Variants in OR6B3 observed in about 807,000 individuals in gnomAD.
OR6B3 encodes the protein olfactory receptor family 6 subfamily B member 3, also known as olfactory receptor 6B3.
For missense variants in OR6B3, 315 were observed against 427.4 expected (o/e 0.74, Z 2.32); for synonymous variants, 148 against 187.8 (o/e 0.79, Z 1.73).
At chr2:240,047,334 A>G (rs1698205462), upstream of OR6B3, among the ~76,000 whole-genome samples, 1 of 152,212 alleles carries the variant, frequency 6.6e-6, no homozygotes, top group African/African-American at 2.4e-5. Context: ...TCACATCCCT[A>G]TTATGAACAC....
the OR6B3 span, among the ~76,000 whole-genome samples, chr2:240,052,352 A>G: frequency 6.6e-6 from 1 of 152,184 alleles, no homozygotes; most frequent in Non-Finnish European, 1.5e-5. This position sits in a 1 kb window ranked among gnomAD's most constrained non-coding sequence, Gnocchi z 4.5. Context: ...AGAAAAGAGA[A>G]GCAGGTTAAT....
upstream of OR6B3, among the ~76,000 whole-genome samples, chr2:240,047,900 G>A (rs1243393681): frequency 2.6e-5 from 4 of 152,070 alleles, no homozygotes; most frequent in African/African-American, 7.2e-5. Flanking sequence ...GATCAGAAAC[G>A]ACAGAATAAT....
At chr2:240,047,922 T>C (rs1002900758), upstream of OR6B3, among the ~76,000 whole-genome samples, 1 of 152,058 alleles carries the variant, frequency 6.6e-6, no homozygotes, top group African/African-American at 2.4e-5. Context: ...TCAACAGCAG[T>C]TTGCTTCCCC....
At chr2:240,051,612 TA>T (rs1698257001), upstream of OR6B3, among the ~76,000 whole-genome samples, 1 of 152,234 alleles carries the variant, frequency 6.6e-6, no homozygotes, top group South Asian at 2.1e-4. Context: ...ATGTATCGAT[TA>T]TTTTTTTCTT....
exon 2 of OR6B3, chr2:240,045,102 A>T: frequency 6.2e-7 from 1 of 1,600,228 alleles, no homozygotes; most frequent in Non-Finnish European, 8.5e-7. Context: ...GTGTATTTGG[A>T]GATGAAGTTC....
chr2:240,053,023 G>C, the OR6B3 span, among the ~76,000 whole-genome samples: 1 of 151,916 alleles, frequency 6.6e-6, no homozygotes, highest in Non-Finnish European at 1.5e-5. The surrounding 1 kb of genome is among the most constrained non-coding windows in gnomAD (Gnocchi z 4.1). Context: ...GGCTGGTCTC[G>C]AACTCTTGAC....
Position 240,046,037 on chromosome 2 carries a change from GA to G in OR6B3, c.35del (p.Phe12SerfsTer52). ...GGGCCGTGGGGAAGCCCACCAGGAT[GA>G]AGGTGCCGACCCTGGTGACATTCTC... On this transcript the variant is annotated frameshift_variant, in exon 2 of 2. Transcript: ENST00000641019. LOFTEE classifies it low-confidence loss of function (END_TRUNC). 3 of 1,613,720 alleles carry G rather than the reference GA, an allele frequency of 1.9e-6. No homozygotes were observed. The highest frequency in any genetic ancestry group is 2.5e-6 in the Non-Finnish European group (3 of 1,179,688).
At chr2:240,045,049 C>A (rs1698159882), downstream of OR6B3, 2 of 1,535,608 alleles carry the variant, frequency 1.3e-6, no homozygotes, top group Non-Finnish European at 8.7e-7. Context: ...TGCGGTACTA[C>A]AATAATGCAA....
chr2:240,045,610 T>C, exon 2 of OR6B3: 4 of 1,458,796 alleles, frequency 2.7e-6, no homozygotes, highest in Non-Finnish European at 2.9e-6. Context: ...ATCATGGAGA[T>C]GGTGAAGCCA....
upstream of OR6B3, among the ~76,000 whole-genome samples, chr2:240,049,985 G>T (rs1391953686): frequency 2.0e-5 from 3 of 151,710 alleles, no homozygotes; most frequent in Non-Finnish European, 2.9e-5. Flanking sequence ...GTTTTTAAAA[G>T]GATATAGATC....
chr2:240,046,874 T>G (rs1574919136), intron 1 of OR6B3, 78 bp downstream of exon 2: 1 of 152,126 alleles, frequency 6.6e-6, no homozygotes, highest in East Asian at 1.9e-4. Context: ...CTCACTACAG[T>G]CCTGGGAAAA....
At chr2:240,051,359 A>G (rs966333471), upstream of OR6B3, among the ~76,000 whole-genome samples, 2 of 152,232 alleles carry the variant, frequency 1.3e-5, no homozygotes, top group African/African-American at 4.8e-5. Flanking sequence ...GGCAAGAAAA[A>G]GGTCTATTTT....
At chr2:240,050,638 C>T (rs1170575855), upstream of OR6B3, among the ~76,000 whole-genome samples, 4 of 150,606 alleles carry the variant, frequency 2.7e-5, no homozygotes, top group Non-Finnish European at 5.9e-5. Context: ...CACTTGAACC[C>T]GGGAGACGGA....
exon 2 of OR6B3, chr2:240,045,275 A>G (rs772351432): frequency 6.2e-7 from 1 of 1,614,256 alleles, no homozygotes; most frequent in Non-Finnish European, 8.5e-7. Context: ...AGCTCCGGGA[A>G]TCAATGGCCT....
chr2:240,045,557 G>A (rs768029131), exon 2 of OR6B3: 105 of 1,562,458 alleles, frequency 6.7e-5, no homozygotes, highest in Non-Finnish European at 8.7e-5. Flanking sequence ...GGTTCAAGAC[G>A]TTGGAGCCAC....
upstream of OR6B3, among the ~76,000 whole-genome samples, chr2:240,050,500 A>G (rs377734145): frequency 6.0e-4 from 92 of 152,280 alleles, 1 homozygote; most frequent in African/African-American, 2.0e-3. Context: ...AGATCACCTG[A>G]GGTCAGGCGT....
chr2:240,047,677 C>T (rs1698211249), upstream of OR6B3, among the ~76,000 whole-genome samples: 1 of 151,936 alleles, frequency 6.6e-6, no homozygotes, highest in Non-Finnish European at 1.5e-5. Flanking sequence ...CTACATTCTC[C>T]TTTAAAAAGA....
chr2:240,049,101 T>A (rs1381321238), upstream of OR6B3, among the ~76,000 whole-genome samples: 1 of 152,032 alleles, frequency 6.6e-6, no homozygotes, highest in African/African-American at 2.4e-5. Context: ...TATTTGGAAG[T>A]CCTTTTATGG....
At chr2:240,050,467 C>G (rs992373324), upstream of OR6B3, among the ~76,000 whole-genome samples, 4 of 152,172 alleles carry the variant, frequency 2.6e-5, no homozygotes, top group African/African-American at 9.7e-5. Context: ...GTAATCCCAG[C>G]CCTTTGGGAG....
Sources: gnomAD v4.1 joint callset for allele counts (sites outside exome capture counted in the v4.1 genomes callset) on GRCh38, gnomAD v4.1.1 for gene constraint, Gnocchi (gnomAD v3.1) non-coding constraint, MANE v1.5 for transcripts, NCBI Gene and HGNC (gene_info 2026-07-23, HGNC 2026-07-21) for gene names.